Variants in ZPBP observed in about 807,000 individuals in gnomAD.
ZPBP encodes zona pellucida binding protein.
Under a neutral mutation model 44.8 loss-of-function variants are expected in ZPBP, and 26 were observed. The observed-to-expected ratio is 0.58, with a 90% CI of 0.43 to 0.81. The LOEUF is 0.81. Ranked by LOEUF, ZPBP falls within the 30% of genes least tolerant of loss-of-function variation. The probability of loss-of-function intolerance (pLI) is 0.00; values close to 1 mark genes in which losing one functional copy is unlikely to be tolerated. For synonymous variants in ZPBP, 174 were observed against 153.2 expected (o/e 1.14, Z -1.00); for missense variants, 409 against 434.0 (o/e 0.94, Z 0.51).
chr7:49,963,006 T>G (rs1362591169), intron 7 of ZPBP, among the ~76,000 whole-genome samples: 1 of 151,228 alleles, frequency 6.6e-6, no homozygotes, highest in African/African-American at 2.4e-5. Flanking sequence ...TAAAAAATCT[T>G]ATAAGGAAAT....
intron 2 of ZPBP, among the ~76,000 whole-genome samples, chr7:49,882,969 C>T (rs1791734586): frequency 6.6e-6 from 1 of 151,946 alleles, no homozygotes; most frequent in African/African-American, 2.4e-5. Flanking sequence ...CAATCGCCTC[C>T]GTGTTGTCTC....
intron 6 of ZPBP, among the ~76,000 whole-genome samples, chr7:49,998,583 C>T (rs1797962255): frequency 6.6e-6 from 1 of 152,316 alleles, no homozygotes; most frequent in African/African-American, 2.4e-5. Context: ...ATAATTTTCA[C>T]ATCTCAATAA....
chr7:49,968,376 A>G (rs183357492), intron 7 of ZPBP, among the ~76,000 whole-genome samples: 40 of 152,236 alleles, frequency 2.6e-4, no homozygotes, highest in African/African-American at 8.4e-4. Flanking sequence ...CTCAAATCAA[A>G]GCACTGACAT....
chr7:50,041,213 G>A (rs1009592508), intron 4 of ZPBP, among the ~76,000 whole-genome samples: 4 of 152,170 alleles, frequency 2.6e-5, no homozygotes, highest in Non-Finnish European at 5.9e-5. Context: ...CTGGGGGAAG[G>A]GGCAGCTGCG....
Position 49,947,297 on chromosome 7 carries a change from T to C in ZPBP, c.962-9675A>G, listed in dbSNP as rs374665526. Among the ~76,000 whole-genome samples the C allele has an allele frequency of 1.5e-3, 228 of 152,252 alleles. 3 individuals carry two copies. The highest frequency in any genetic ancestry group is 5.2e-3 in the African/African-American group (218 of 41,562). ...TGGCATTGAAGAGTCAGGTATTTAT[T>C]GTGGTCTTCGCAGTCTGGGCTTTTA... On this transcript the variant is annotated intron_variant, in intron 7 of 7. Transcript: ENST00000046087.
chr7:49,967,854 G>A (rs1379447505), intron 7 of ZPBP, among the ~76,000 whole-genome samples: 1 of 152,064 alleles, frequency 6.6e-6, no homozygotes, highest in Non-Finnish European at 1.5e-5. Context: ...TTGAATATCT[G>A]GCACAGTGTG....
At chr7:49,926,614 G>A (rs934529215) in intron 1 of ZPBP, among the ~76,000 whole-genome samples, 2 of 152,196 alleles carry the variant, frequency 1.3e-5, no homozygotes, top group Non-Finnish European at 2.9e-5. Flanking sequence ...ATGAATCGCA[G>A]AGACCCATCC....
intron 1 of ZPBP, among the ~76,000 whole-genome samples, chr7:49,923,006 G>T (rs919556844): frequency 6.6e-6 from 1 of 152,178 alleles, no homozygotes; most frequent in Non-Finnish European, 1.5e-5. Flanking sequence ...TGAAATTAAA[G>T]ACTTAGTTGA....
At chr7:49,977,082 A>C (rs1209440255) in intron 7 of ZPBP, among the ~76,000 whole-genome samples, 1 of 110,774 alleles carries the variant, frequency 9.0e-6, no homozygotes, top group African/African-American at 4.3e-5. Context: ...AGCCTGGGCG[A>C]CAGAGCAAGA....
chr7:50,044,692 A>C (rs1393879685), intron 4 of ZPBP, among the ~76,000 whole-genome samples: 1 of 152,216 alleles, frequency 6.6e-6, no homozygotes, highest in Non-Finnish European at 1.5e-5. Flanking sequence ...AACCAAAAAA[A>C]GCCCAGGACC....
intron 2 of ZPBP, among the ~76,000 whole-genome samples, chr7:49,892,275 T>C (rs924946857): frequency 2.9e-4 from 44 of 152,018 alleles, no homozygotes; most frequent in African/African-American, 1.0e-3. Flanking sequence ...CTCGATCTCC[T>C]GACCTCGTGA....
At chr7:49,887,850 T>C (rs1791966340) in intron 2 of ZPBP, among the ~76,000 whole-genome samples, 1 of 152,260 alleles carries the variant, frequency 6.6e-6, no homozygotes, top group African/African-American at 2.4e-5. Context: ...ACAAATGTTC[T>C]AGCCTACTGC....
chr7:49,877,929 T>C (rs7797267), intron 2 of ZPBP, among the ~76,000 whole-genome samples: 107,334 of 151,828 alleles, frequency 0.71, 38,424 homozygotes, highest in East Asian at 0.88. Context: ...TTGAAAAACA[T>C]AGGTTCTGTC....
rs759733897 is a variant in ZPBP, at chr7:49,964,377, T to C, written c.961+18965A>G. Among the ~76,000 whole-genome samples the C allele has an allele frequency of 5.9e-5, 9 of 152,162 alleles. No individual in the cohort carries two copies. In the East Asian group the frequency reaches 1.7e-3, roughly 29 times the overall value. Reference sequence around the variant, plus strand: ...TATTTAATGACCATATGATTATTTATGTATCAAATCCTGAGGTATCTACAA... The same window carrying C: ...TATTTAATGACCATATGATTATTTACGTATCAAATCCTGAGGTATCTACAA... On this transcript the variant is annotated intron_variant, in intron 7 of 7. Coordinates refer to ENST00000046087, the MANE Select transcript of ZPBP (RefSeq NM_007009.3).
intron 1 of ZPBP, among the ~76,000 whole-genome samples, chr7:49,908,901 TA>T (rs2128741429): frequency 2.6e-5 from 4 of 152,320 alleles, no homozygotes; most frequent in African/African-American, 9.6e-5. Flanking sequence ...ATAAAGATTT[TA>T]TATTCTACAG....
intron 1 of ZPBP, among the ~76,000 whole-genome samples, chr7:49,910,977 C>T (rs537551674): frequency 2.0e-5 from 3 of 152,276 alleles, no homozygotes; most frequent in Admixed American, 6.5e-5. Context: ...AAGCTGCCCT[C>T]GGAGGCCTGG....
At chr7:49,866,216 T>C (rs911379392) in intron 2 of ZPBP, among the ~76,000 whole-genome samples, 3 of 152,194 alleles carry the variant, frequency 2.0e-5, no homozygotes, top group African/African-American at 4.8e-5. Flanking sequence ...GGAGAACCAA[T>C]AGACCCTTCG....
intron 7 of ZPBP, among the ~76,000 whole-genome samples, chr7:49,939,086 T>C (rs927811223): frequency 1.3e-5 from 2 of 152,196 alleles, no homozygotes; most frequent in African/African-American, 4.8e-5. Flanking sequence ...GAATTGGTAA[T>C]GTACACAGTA....
intron 7 of ZPBP, chr7:49,942,624 T>C (rs1234766676): frequency 1.3e-5 from 2 of 152,600 alleles, no homozygotes; most frequent in Non-Finnish European, 2.9e-5. Context: ...TATTTAGCAA[T>C]ATTCTCATCT....
Sources: gnomAD v4.1 joint callset for allele counts (sites outside exome capture counted in the v4.1 genomes callset) on GRCh38, gnomAD v4.1.1 for gene constraint, MANE v1.5 for transcripts, NCBI Gene and HGNC (gene_info 2026-07-23, HGNC 2026-07-21) for gene names.